The following ANKRD30A variants were observed in gnomAD, a reference collection of about 807,000 sequenced individuals.
ANKRD30A encodes the protein ankyrin repeat domain 30A.
In ANKRD30A, 170 loss-of-function variants were observed where a neutral mutation model predicts 166.3. The ratio of observed to expected loss-of-function variants is 1.02; its 90% CI spans 0.90 to 1.16. The LOEUF is 1.16. Among genes scored for constraint, ANKRD30A ranks in the 50% most tolerant of loss-of-function variants. The pLI, the probability that ANKRD30A is intolerant of heterozygous loss-of-function variation, is 0.00. For synonymous variants in ANKRD30A, 564 were observed against 508.9 expected (o/e 1.11, Z -1.46); for missense variants, 1,630 against 1,518.0 (o/e 1.07, Z -1.23).
chr10:37,226,759 G>C (rs1374124766), intron 34 of ANKRD30A, among the ~76,000 whole-genome samples: 1 of 151,734 alleles, frequency 6.6e-6, no homozygotes, highest in East Asian at 1.9e-4. Context: ...AACTTTTGGA[G>C]GAAATGCCAG....
At chr10:37,190,629 A>G (rs1840473832) in intron 25 of ANKRD30A, among the ~76,000 whole-genome samples, 1 of 151,932 alleles carries the variant, frequency 6.6e-6, no homozygotes, top group South Asian at 2.1e-4. Context: ...GAGAGAATCC[A>G]GCTAGATGAT....
At chr10:37,139,512 A>C (rs1427613784) in intron 6 of ANKRD30A, among the ~76,000 whole-genome samples, 1 of 152,276 alleles carries the variant, frequency 6.6e-6, no homozygotes, top group African/African-American at 2.4e-5. Flanking sequence ...CTATTTAGAT[A>C]AACTACTCTA....
Position 37,133,963 on chromosome 10 carries a change from G to A in ANKRD30A, c.665G>A (p.Gly222Asp), listed in dbSNP as rs371683302. 6.2e-7 allele frequency: 1 copy of A among 1,614,064 alleles called. No homozygotes were observed. Among genetic ancestry groups the A allele is most frequent in the African/African-American group, 1.3e-5 (1 of 75,042 alleles). ...TGTCATGGATCATCAGAGATAGTTG[G>A]CATGCTTCTTCAGCAAAATGTTGAC... Reference protein sequence around the residue: ...AVCHGSSEIVGMLLQQNVDVF... With the variant: ...AVCHGSSEIVDMLLQQNVDVF... The change falls in exon 5 of 36, where the codon GGC (glycine) becomes GAC (aspartate). Residue 222 changes from glycine to aspartate, a missense_variant. Coordinates refer to ENST00000361713, the MANE Select transcript of ANKRD30A (RefSeq NM_052997.3).
intron 29 of ANKRD30A, among the ~76,000 whole-genome samples, chr10:37,197,890 T>A (rs1841277851): frequency 6.6e-6 from 1 of 152,130 alleles, no homozygotes; most frequent in Non-Finnish European, 1.5e-5. Context: ...TTACCTCGTT[T>A]CCAGTGTTGT....
intron 19 of ANKRD30A, 145 bp downstream of exon 19, chr10:37,166,840 T>G: frequency 7.1e-7 from 1 of 1,405,902 alleles, no homozygotes; most frequent in Non-Finnish European, 9.6e-7. Flanking sequence ...ATAAGTTATG[T>G]GTCTCATCAG....
At chr10:37,126,132 C>T (rs948484094) in intron 1 of ANKRD30A, 124 bp downstream of exon 1, 9 of 1,030,568 alleles carry the variant, frequency 8.7e-6, no homozygotes, top group African/African-American at 6.4e-5. Flanking sequence ...TAACGGGCAG[C>T]GGGGCAGCCA....
rs200442291 is a variant in ANKRD30A, at chr10:37,153,672, G to C, written c.1798+10G>C. ...AATGGAAAATTAGAAGGTAAGAACC[G>C]TTTTTTATTTAAAAATCAGTTGACC... is the stretch of plus-strand genomic sequence containing the variant. On this transcript the variant is annotated intron_variant, in intron 13 of 35. Coordinates refer to ENST00000361713, the MANE Select transcript of ANKRD30A (RefSeq NM_052997.3). 3.4e-5 allele frequency: 55 copies of C among 1,610,026 alleles called. No individual in the cohort carries two copies. Among genetic ancestry groups the C allele is most frequent in the Non-Finnish European group, 4.5e-5 (53 of 1,179,008 alleles).
intron 34 of ANKRD30A, among the ~76,000 whole-genome samples, chr10:37,228,105 A>G (rs1316189159): frequency 6.6e-6 from 1 of 151,928 alleles, no homozygotes; most frequent in Non-Finnish European, 1.5e-5. Context: ...CTTCATACAT[A>G]TTTTTTGGAA....
At chr10:37,159,123 C>A (rs1046275704) in intron 15 of ANKRD30A, among the ~76,000 whole-genome samples, 8 of 152,240 alleles carry the variant, frequency 5.3e-5, no homozygotes, top group African/African-American at 1.9e-4. Context: ...GACTATAAAG[C>A]ATTTGGCCTT....
intron 31 of ANKRD30A, among the ~76,000 whole-genome samples, chr10:37,204,389 T>C: frequency 6.6e-6 from 1 of 152,148 alleles, no homozygotes; most frequent in Non-Finnish European, 1.5e-5. Context: ...ATTTAATAAA[T>C]GGTGCTGGGA....
intron 18 of ANKRD30A, among the ~76,000 whole-genome samples, chr10:37,165,766 C>G (rs1356650534): frequency 1.3e-5 from 2 of 151,856 alleles, no homozygotes; most frequent in Non-Finnish European, 2.9e-5. Context: ...TCCTTGAGTC[C>G]CCTTATGGCA....
intron 34 of ANKRD30A, among the ~76,000 whole-genome samples, chr10:37,227,389 A>G (rs552685919): frequency 9.9e-5 from 15 of 151,940 alleles, no homozygotes; most frequent in Admixed American, 9.2e-4. Context: ...TGAAAATACT[A>G]TTCTTTTCCC....
intron 1 of ANKRD30A, among the ~76,000 whole-genome samples, chr10:37,127,018 G>T (rs1472328110): frequency 9.3e-6 from 1 of 107,820 alleles, no homozygotes; most frequent in Admixed American, 1.4e-4. Flanking sequence ...CTGCAATTCA[G>T]CCTAGGTGAT....
At position 37,161,114 on chromosome 10, in the gene ANKRD30A, C is replaced by G. The variant is rs572949522; in HGVS notation, c.1901-1535C>G. Among the ~76,000 whole-genome samples, 5 of 152,188 alleles carry G rather than the reference C, an allele frequency of 3.3e-5. No individual in the cohort carries two copies. The East Asian group carries it at 9.7e-4, about 29-fold the overall frequency. On this transcript the variant is annotated intron_variant, in intron 15 of 35. Transcript: ENST00000361713. The stretch of plus-strand genomic sequence containing the variant: ...TAAAAATACAAAAAAATTAGTCGGA[C>G]GTGGTGGCACGCATTTCTAATAAGT...
chr10:37,149,882 A>G lies in ANKRD30A; in HGVS notation c.1645+33A>G, dbSNP rs142471234. On this transcript the variant is annotated intron_variant, in intron 11 of 35. Transcript: ENST00000361713. ...TTTCAATTTAACTATGCAAAGACGA[A>G]TATTTCAATATTGGACATTTTGATG... 2.4e-4 allele frequency: 384 copies of G among 1,609,494 alleles called. 1 individual carries two copies. In the African/African-American group the frequency reaches 4.7e-3, roughly 20 times the overall value.
rs757438928 is a variant in ANKRD30A, at chr10:37,162,868, T to C, written c.2002+20T>C. ...GAGCAGGTAAATTTTTCAATGTAAC[T>C]ATGGAAAGACCAATATTTCAATATT... On this transcript the variant is annotated intron_variant, in intron 17 of 35. Coordinates refer to ENST00000361713, the MANE Select transcript of ANKRD30A (RefSeq NM_052997.3). The C allele has an allele frequency of 1.9e-6, 3 of 1,608,072 alleles. No individual in the cohort carries two copies. In the Admixed American group the frequency reaches 5.0e-5, roughly 27 times the overall value.
chr10:37,183,655 A>G (rs1588876391), intron 24 of ANKRD30A, among the ~76,000 whole-genome samples: 2 of 147,926 alleles, frequency 1.4e-5, no homozygotes, highest in Middle Eastern at 6.9e-3. Context: ...GGGAAGAAGT[A>G]GTTCAGTTTA....
chr10:37,204,878 G>T (rs1841887014), intron 31 of ANKRD30A, among the ~76,000 whole-genome samples: 1 of 152,130 alleles, frequency 6.6e-6, no homozygotes, highest in African/African-American at 2.4e-5. Context: ...TCAGAGAAAT[G>T]CAAATCAAAA....
intron 17 of ANKRD30A, among the ~76,000 whole-genome samples, chr10:37,163,244 A>G (rs1839069904): frequency 8.6e-6 from 1 of 115,774 alleles, no homozygotes; most frequent in African/African-American, 3.4e-5. Context: ...GTGTTTTAAC[A>G]TGAATTACCT....
Sources: allele counts gnomAD v4.1 joint callset (sites outside exome capture counted in the v4.1 genomes callset), GRCh38; gene constraint gnomAD v4.1.1; transcripts MANE v1.5; gene names NCBI Gene and HGNC (gene_info 2026-07-23, HGNC 2026-07-21).